Variants in CHLSN observed in about 807,000 individuals in gnomAD.
The protein encoded by CHLSN is cholesin.
At chr7:1,033,559 CAA>C in the CHLSN span, among the ~76,000 whole-genome samples, 5 of 133,316 alleles carry the variant, frequency 3.8e-5, no homozygotes, top group African/African-American at 8.5e-5. Context: ...AACTCCGTCT[CAA>C]AAAAAAAAAA....
At chr7:1,020,673 G>C in the CHLSN span, among the ~76,000 whole-genome samples, 4 of 152,208 alleles carry the variant, frequency 2.6e-5, no homozygotes, top group African/African-American at 4.8e-5. Flanking sequence ...CCCGAGCAGG[G>C]AGGACCTGCA....
chr7:1,133,488 C>T, the CHLSN span, among the ~76,000 whole-genome samples: 3 of 151,388 alleles, frequency 2.0e-5, no homozygotes, highest in African/African-American at 7.3e-5. Flanking sequence ...CGGTGGCTCA[C>T]GCCTGTAATC....
At chr7:1,033,069 C>T in the CHLSN span, among the ~76,000 whole-genome samples, 504 of 152,326 alleles carry the variant, frequency 3.3e-3, 1 homozygote, top group Non-Finnish European at 4.8e-3. Flanking sequence ...TACCTCGATA[C>T]GAGGGAACAC....
chr7:1,113,100 C>T, the CHLSN span, among the ~76,000 whole-genome samples: 3 of 152,032 alleles, frequency 2.0e-5, no homozygotes, highest in Non-Finnish European at 4.4e-5. Context: ...AACTGCAGGG[C>T]GCACACACAC....
chr7:1,054,244 C>T, the CHLSN span, among the ~76,000 whole-genome samples: 4 of 152,224 alleles, frequency 2.6e-5, no homozygotes, highest in Non-Finnish European at 5.9e-5. Flanking sequence ...TTCCAACCGG[C>T]GGAGAGTGAA....
chr7:1,057,527 C>T, the CHLSN span: 1 of 770,110 alleles, frequency 1.3e-6, no homozygotes, highest in Non-Finnish European at 2.4e-6. Context: ...TGTGGAGCTG[C>T]AGCTGGTTCA....
the CHLSN span, among the ~76,000 whole-genome samples, chr7:1,076,682 A>G: frequency 4.6e-5 from 7 of 152,218 alleles, no homozygotes; most frequent in Admixed American, 1.3e-4. Context: ...TTAATGTCCA[A>G]GATCTTTTCC....
chr7:1,009,742 G>A, the CHLSN span, among the ~76,000 whole-genome samples: 2 of 152,238 alleles, frequency 1.3e-5, no homozygotes, highest in African/African-American at 4.8e-5. Flanking sequence ...CACGGGCAGC[G>A]GCTCTGCTGC....
the CHLSN span, chr7:1,093,315 T>C: frequency 2.3e-6 from 1 of 426,570 alleles, no homozygotes; most frequent in Non-Finnish European, 4.9e-6. Flanking sequence ...AAGGTGCTGG[T>C]GGGTCTGAGC....
chr7:1,133,158 G>A, the CHLSN span, among the ~76,000 whole-genome samples: 3 of 152,118 alleles, frequency 2.0e-5, no homozygotes, highest in Non-Finnish European at 4.4e-5. Context: ...AGAAGACACT[G>A]TGCCGGGCAG....
chr7:1,022,730 T>C, the CHLSN span, among the ~76,000 whole-genome samples: 29,838 of 152,066 alleles, frequency 0.2, 3,116 homozygotes, highest in Admixed American at 0.24. Flanking sequence ...GCTCTCAAAT[T>C]CTTTAAAGGT....
chr7:1,009,297 T>C, the CHLSN span, among the ~76,000 whole-genome samples: 1 of 152,114 alleles, frequency 6.6e-6, no homozygotes, highest in Non-Finnish European at 1.5e-5. Context: ...GTGGACGCCG[T>C]GACACCCCTT....
At chr7:988,643 G>A in the CHLSN span, 3,801 of 1,602,326 alleles carry the variant, frequency 2.4e-3, 72 homozygotes, top group East Asian at 0.032. Flanking sequence ...AGGCCGCCGC[G>A]TCTGTGTTGG....
chr7:1,112,245 T>C, the CHLSN span, among the ~76,000 whole-genome samples: 1 of 152,216 alleles, frequency 6.6e-6, no homozygotes, highest in African/African-American at 2.4e-5. Context: ...CAGATCTCCA[T>C]GGCAGTGAGG....
At chr7:1,072,229 G>A in the CHLSN span, among the ~76,000 whole-genome samples, 4 of 152,160 alleles carry the variant, frequency 2.6e-5, no homozygotes, top group Admixed American at 2.0e-4. Context: ...ACACTGACCC[G>A]CCCACGGTGC....
chr7:1,120,708 C>T, the CHLSN span, among the ~76,000 whole-genome samples: 3 of 152,336 alleles, frequency 2.0e-5, no homozygotes, highest in East Asian at 5.8e-4. Flanking sequence ...TCATAACAGC[C>T]CCAAGCTGGA....
the CHLSN span, chr7:1,022,909 C>T: frequency 7.2e-6 from 3 of 418,754 alleles, no homozygotes; most frequent in Admixed American, 5.5e-5. Flanking sequence ...GTCTCCGCGG[C>T]GAGCTGGCCA....
At chr7:1,094,897 C>A in the CHLSN span, among the ~76,000 whole-genome samples, 1 of 152,174 alleles carries the variant, frequency 6.6e-6, no homozygotes, top group African/African-American at 2.4e-5. Flanking sequence ...GCAGGAGCGG[C>A]CTCTGTGCCC....
the CHLSN span, among the ~76,000 whole-genome samples, chr7:999,678 TGA>T: frequency 3.9e-5 from 6 of 152,220 alleles, no homozygotes; most frequent in Non-Finnish European, 8.8e-5. Context: ...TGCCCCGCTC[TGA>T]GAGTCTGCAA....
Sources: gnomAD v4.1 joint callset for allele counts (sites outside exome capture counted in the v4.1 genomes callset) on GRCh38, gnomAD v4.1.1 for gene constraint, MANE v1.5 for transcripts, NCBI Gene and HGNC (gene_info 2026-07-23, HGNC 2026-07-21) for gene names.